The following HDAC4 variants were observed in gnomAD, a reference collection of about 807,000 sequenced individuals.
The protein encoded by HDAC4 is histone deacetylase A.
Under a neutral mutation model 135.1 loss-of-function variants are expected in HDAC4, and 16 were observed. That is an observed-to-expected ratio of 0.12 (90% CI 0.08 to 0.18). HDAC4 has a LOEUF of 0.18. Ranked by LOEUF, HDAC4 falls within the 10% of genes least tolerant of loss-of-function variation. HDAC4 has a pLI of 1.00. For missense variants in HDAC4, 1,143 were observed against 1,511.8 expected (o/e 0.76, Z 4.05); for synonymous variants, 685 against 653.4 (o/e 1.05, Z -0.74).
At chr2:239,199,543 C>T (rs1258808802) in intron 3 of HDAC4, among the ~76,000 whole-genome samples, 2 of 151,998 alleles carry the variant, frequency 1.3e-5, no homozygotes, top group East Asian at 3.9e-4. Context: ...CTGAGTGGGT[C>T]TCGTGGCAGC....
chr2:239,118,646 T>A (rs548911035), intron 12 of HDAC4, among the ~76,000 whole-genome samples: 152 of 152,258 alleles, frequency 1.0e-3, no homozygotes, highest in African/African-American at 3.5e-3. Flanking sequence ...GGGGCATGGA[T>A]GAGGTCCCTT....
At chr2:239,107,996 C>G (rs2038311057) in intron 15 of HDAC4, 54 bp downstream of exon 15, 5 of 1,606,034 alleles carry the variant, frequency 3.1e-6, no homozygotes, top group Non-Finnish European at 4.2e-6. Context: ...CCACGAGGGT[C>G]CCCTCTAATG....
At chr2:239,394,791 C>T (rs554137621) in intron 1 of HDAC4, among the ~76,000 whole-genome samples, 4 of 152,392 alleles carry the variant, frequency 2.6e-5, no homozygotes, top group Admixed American at 6.5e-5. Flanking sequence ...GCTACCTACT[C>T]ATCCATTCAT....
chr2:239,214,883 A>C (rs1237572428), intron 3 of HDAC4, among the ~76,000 whole-genome samples: 1 of 152,170 alleles, frequency 6.6e-6, no homozygotes, highest in Non-Finnish European at 1.5e-5. Flanking sequence ...GACTCTTGGG[A>C]TCCTGAGCCC....
At chr2:239,161,934 C>G in intron 6 of HDAC4, 1 of 370,030 alleles carries the variant, frequency 2.7e-6, no homozygotes, top group South Asian at 2.0e-5. Context: ...TGCAGCCTTT[C>G]CTTGGGCCTG....
intron 17 of HDAC4, among the ~76,000 whole-genome samples, chr2:239,092,923 A>G (rs1489440207): frequency 6.6e-6 from 1 of 150,604 alleles, no homozygotes; most frequent in Non-Finnish European, 1.5e-5. Context: ...TCTCTTTCGC[A>G]ATAAAGACAG....
chr2:239,310,527 C>T (rs1176444051), intron 2 of HDAC4, among the ~76,000 whole-genome samples: 1 of 152,238 alleles, frequency 6.6e-6, no homozygotes, highest in Non-Finnish European at 1.5e-5. Flanking sequence ...ATGAGCCCTG[C>T]CTCCATGAGA....
chr2:239,277,707 G>A (rs1014451784), intron 2 of HDAC4, among the ~76,000 whole-genome samples: 2 of 152,168 alleles, frequency 1.3e-5, no homozygotes, highest in Non-Finnish European at 2.9e-5. Flanking sequence ...GCTTGATAAT[G>A]TCTGCTTTGG....
At position 239,049,458 on chromosome 2, in the gene HDAC4, TATATTC is replaced by T. The variant is rs1211006930; in HGVS notation, c.*3633_*3638del. 6.6e-6 allele frequency: 1 copy of T among 151,510 alleles called. No homozygotes were observed. The highest frequency in any genetic ancestry group is 2.4e-5 in the African/African-American group (1 of 41,320). The allele number at this position is 151,510 out of a possible 1,614,324, so 9.4% of individuals were successfully genotyped here. A position where few individuals can be genotyped will look rare whatever the true frequency, so the allele number is the denominator to read the frequency against. Reference sequence around the variant, plus strand: ...TCCAGGTGTAGGAAACTTAAAAAAATATATTCATATATATTTATATCTATATATTTA... The same window carrying T: ...TCCAGGTGTAGGAAACTTAAAAAAATATATATATTTATATCTATATATTTA... On this transcript the variant is annotated 3_prime_UTR_variant, in exon 27 of 27. Coordinates refer to ENST00000543185, the MANE Select transcript of HDAC4 (RefSeq NM_001378414.1).
chr2:239,077,194 T>C (rs532861236), intron 22 of HDAC4, among the ~76,000 whole-genome samples: 47 of 152,344 alleles, frequency 3.1e-4, no homozygotes, highest in African/African-American at 1.1e-3. Context: ...GAGGCCCCGA[T>C]AGAGCCCCTG....
At chr2:239,324,250 G>A (rs141497811) in intron 2 of HDAC4, among the ~76,000 whole-genome samples, 20 of 152,314 alleles carry the variant, frequency 1.3e-4, no homozygotes, top group African/African-American at 4.3e-4. Flanking sequence ...GCCACAATTA[G>A]CTGAAAGAAA....
At position 239,135,444 on chromosome 2, in the gene HDAC4, A is replaced by T. The variant is rs562715789; in HGVS notation, c.979-801T>A. 4.6e-5 allele frequency among the ~76,000 whole-genome samples: 7 copies of T among 152,318 alleles called. No individual in the cohort carries two copies. In the South Asian group the frequency reaches 1.4e-3, roughly 32 times the overall value. The stretch of plus-strand genomic sequence containing the variant: ...GGAAGGGGAAGGCGCTCAGGAAAAC[A>T]CATCATGGTCATCAAAAAAGGTATT... On this transcript the variant is annotated intron_variant, in intron 9 of 26. Transcript: ENST00000543185.
intron 5 of HDAC4, among the ~76,000 whole-genome samples, chr2:239,165,147 C>T (rs934229650): frequency 2.0e-5 from 3 of 151,626 alleles, no homozygotes; most frequent in Non-Finnish European, 4.4e-5. Flanking sequence ...CACCTGAGCC[C>T]GGGAAGTCCA....
In HDAC4 at chr2:239,309,713, G is replaced by A. The variant is rs1449551424; in HGVS notation, c.22+42965C>T. ...TCCGCCAGCAAGTATCCTGGGAGCT[G>A]GGGGGCCTCAAGGGAGGCAATCCCC... On this transcript the variant is annotated intron_variant, in intron 2 of 26. Coordinates refer to ENST00000543185, the MANE Select transcript of HDAC4 (RefSeq NM_001378414.1). The surrounding 1 kb of genome is among the most constrained non-coding windows in gnomAD (Gnocchi z 4.2). Among the ~76,000 whole-genome samples, 1 of 152,216 alleles carries A rather than the reference G, an allele frequency of 6.6e-6. No homozygotes were observed. The highest frequency in any genetic ancestry group is 1.5e-5 in the Non-Finnish European group (1 of 68,038).
At chr2:239,094,326 C>T (rs2036793056) in intron 17 of HDAC4, 1 of 985,338 alleles carries the variant, frequency 1.0e-6, no homozygotes, top group African/African-American at 1.7e-5. Context: ...CAAGACCTGA[C>T]CCTTCCTGTG....
rs1412086258 is a variant in HDAC4 at position 239,115,794 on chromosome 2, C to T, written c.1534-484G>A. 6.6e-6 allele frequency among the ~76,000 whole-genome samples: 1 copy of T among 152,174 alleles called. No individual in the cohort carries two copies. The highest frequency in any genetic ancestry group is 1.5e-5 in the Non-Finnish European group (1 of 68,022). ...ATCCCACCAACACGCCACGGCCTCC[C>T]CTCCTGCAGGATCCCACCGATGTGC... On this transcript the variant is annotated intron_variant, in intron 12 of 26. Transcript: ENST00000543185. This position sits in a 1 kb window ranked among gnomAD's most constrained non-coding sequence, Gnocchi z 6.3.
rs553524453 is a variant in HDAC4 at position 239,295,681 on chromosome 2, T to C, written c.22+56997A>G. ...CCTCTGGGAGGCTTTTCATTCTGTT[T>C]TGTGTCTCGTTTACCATTCCCGTTC... is the stretch of plus-strand genomic sequence containing the variant. On this transcript the variant is annotated intron_variant, in intron 2 of 26. Coordinates refer to ENST00000543185, the MANE Select transcript of HDAC4 (RefSeq NM_001378414.1). Among the ~76,000 whole-genome samples, 262 of 152,344 alleles carry C rather than the reference T, an allele frequency of 1.7e-3. 1 individual carries two copies. Among genetic ancestry groups the C allele is most frequent in the Non-Finnish European group, 2.3e-3 (156 of 68,032 alleles).
At chr2:239,219,682 T>C (rs941075537) in intron 3 of HDAC4, among the ~76,000 whole-genome samples, 1 of 152,140 alleles carries the variant, frequency 6.6e-6, no homozygotes, top group Non-Finnish European at 1.5e-5. Context: ...AGGCTCAGAT[T>C]AGACGGGTAA....
intron 12 of HDAC4, among the ~76,000 whole-genome samples, chr2:239,124,708 G>A (rs903549809): frequency 4.2e-4 from 41 of 96,784 alleles, no homozygotes; most frequent in African/African-American, 1.1e-3. Flanking sequence ...TCCATGTTAT[G>A]TGACATTCTG....
Sources: allele counts gnomAD v4.1 joint callset (sites outside exome capture counted in the v4.1 genomes callset), GRCh38; gene constraint gnomAD v4.1.1; non-coding constraint Gnocchi (gnomAD v3.1); transcripts MANE v1.5; gene names NCBI Gene and HGNC (gene_info 2026-07-23, HGNC 2026-07-21).